Variants in SLAIN1 observed in about 807,000 individuals in gnomAD.
SLAIN1 encodes SLAIN family member 1.
SLAIN1 carries 17 observed loss-of-function variants against 55.4 expected under a neutral mutation model. That is an observed-to-expected ratio of 0.31 (90% confidence interval 0.21 to 0.46). The LOEUF is 0.46. Ranked by LOEUF, SLAIN1 falls within the 20% of genes least tolerant of loss-of-function variation. SLAIN1 has a pLI of 1.00. For missense variants in SLAIN1, 682 were observed against 785.1 expected (o/e 0.87, Z 1.57); for synonymous variants, 348 against 337.4 (o/e 1.03, Z -0.35).
chr13:77,747,591 G>C (rs989304532), intron 4 of SLAIN1, among the ~76,000 whole-genome samples: 4 of 152,118 alleles, frequency 2.6e-5, no homozygotes, highest in African/African-American at 9.7e-5. Context: ...ACAGAGTGAG[G>C]TTGTAAGCAT....
At chr13:77,723,288 C>A (rs1043904977) in intron 2 of SLAIN1, among the ~76,000 whole-genome samples, 1 of 152,166 alleles carries the variant, frequency 6.6e-6, no homozygotes, top group Non-Finnish European at 1.5e-5. Context: ...GAAGAGCCAT[C>A]ATGGTGGGAC....
intron 2 of SLAIN1, among the ~76,000 whole-genome samples, chr13:77,727,112 C>G (rs1223519482): frequency 6.6e-6 from 1 of 152,134 alleles, no homozygotes; most frequent in African/African-American, 2.4e-5. Flanking sequence ...TAATCTTTCT[C>G]TTTTTTCCCC....
intron 1 of SLAIN1, among the ~76,000 whole-genome samples, chr13:77,705,595 T>C (rs2091081337): frequency 6.6e-6 from 1 of 152,052 alleles, no homozygotes; most frequent in South Asian, 2.1e-4. Context: ...AATAAAGTGA[T>C]TTTTAAAATG....
chr13:77,702,168 T>C lies in SLAIN1; in HGVS notation c.626+3629T>C, dbSNP rs145493773. On this transcript the variant is annotated intron_variant, in intron 1 of 6. Transcript: ENST00000418532. ...ACATTTTCTTAATCCAGTCTATCATTGTTGGACATTTGGGTTGGTTCCAAG... is the reference window on the plus strand; with the variant it reads ...ACATTTTCTTAATCCAGTCTATCATCGTTGGACATTTGGGTTGGTTCCAAG... Among the ~76,000 whole-genome samples the C allele has an allele frequency of 4.9e-3, 747 of 151,854 alleles. 6 individuals are homozygous for C. The highest frequency in any genetic ancestry group is 0.017 in the African/African-American group (715 of 41,392).
At chr13:77,716,682 A>AAT (rs1487636008) in intron 1 of SLAIN1, among the ~76,000 whole-genome samples, 1 of 152,088 alleles carries the variant, frequency 6.6e-6, no homozygotes, top group African/African-American at 2.4e-5. Context: ...GTTTGTTGTT[A>AAT]ATATATATAA....
At chr13:77,763,043 A>C in intron 6 of SLAIN1, 102 bp from the exon 7 acceptor site, 3 of 908,660 alleles carry the variant, frequency 3.3e-6, no homozygotes, top group Non-Finnish European at 5.3e-6. Context: ...GCTTCTCATT[A>C]CTGCAGTGGA....
chr13:77,734,755 C>T (rs1873035952), intron 2 of SLAIN1, among the ~76,000 whole-genome samples: 2 of 152,230 alleles, frequency 1.3e-5, no homozygotes, highest in African/African-American at 4.8e-5. Flanking sequence ...GGCGGTGGCT[C>T]ACACTTGTAA....
Position 77,698,477 on chromosome 13 carries a change from C to T in SLAIN1, c.564C>T (p.Asp188=). The part of the protein sequence containing the change: ...APPSPPPTLL[D]EVELLDLESV... ...CCTCGCCGCCCCCCACGCTGCTGGA[C>T]GAGGTGGAATTGCTGGATCTGGAGA... Residue 188 remains aspartate (D), a synonymous_variant, in exon 1 of 7, where the codon GAC becomes GAT. Coordinates refer to ENST00000418532, the MANE Select transcript of SLAIN1 (RefSeq NM_001242868.2). This position sits in a 1 kb window ranked among gnomAD's most constrained non-coding sequence, Gnocchi z 4.1. The T allele has an allele frequency of 2.7e-6, 4 of 1,456,266 alleles. No individual in the cohort carries two copies. Among genetic ancestry groups the T allele is most frequent in the Non-Finnish European group, 3.6e-6 (4 of 1,110,090 alleles). 90.2% of individuals were successfully genotyped at this position (1,456,266 alleles called of 1,614,324 possible). A position where few individuals can be genotyped will look rare whatever the true frequency, so the allele number is the denominator to read the frequency against.
chr13:77,738,724 A>C (rs765333572), intron 2 of SLAIN1, among the ~76,000 whole-genome samples: 2 of 152,050 alleles, frequency 1.3e-5, no homozygotes, highest in Admixed American at 1.3e-4. Context: ...CTGATGAGAA[A>C]TGTGGCTCTC....
chr13:77,758,578 G>C (rs1299942065), intron 5 of SLAIN1, among the ~76,000 whole-genome samples: 1 of 151,928 alleles, frequency 6.6e-6, no homozygotes, highest in East Asian at 1.9e-4. Context: ...TTAAGTCTTT[G>C]ATCCATTTTG....
chr13:77,709,003 G>A (rs912174540), intron 1 of SLAIN1, among the ~76,000 whole-genome samples: 1 of 151,974 alleles, frequency 6.6e-6, no homozygotes, highest in African/African-American at 2.4e-5. Context: ...ATGCAAGGAA[G>A]CTAAGAACTT....
intron 3 of SLAIN1, among the ~76,000 whole-genome samples, chr13:77,745,214 C>G (rs903426200): frequency 2.0e-5 from 3 of 151,866 alleles, no homozygotes; most frequent in Non-Finnish European, 4.4e-5. Context: ...GCTTAATACT[C>G]TCTCTATCTC....
intron 2 of SLAIN1, among the ~76,000 whole-genome samples, chr13:77,729,923 G>A (rs759582282): frequency 5.3e-5 from 8 of 151,516 alleles, no homozygotes; most frequent in South Asian, 2.1e-4. Context: ...GTGTGTGTCC[G>A]TGTGTCCATC....
intron 2 of SLAIN1, among the ~76,000 whole-genome samples, chr13:77,735,101 A>T (rs1873055553): frequency 6.7e-6 from 1 of 148,556 alleles, no homozygotes; most frequent in Non-Finnish European, 1.5e-5. Flanking sequence ...ACATTTCATT[A>T]AAAAAAGTAT....
intron 1 of SLAIN1, among the ~76,000 whole-genome samples, chr13:77,702,888 G>A (rs1318493736): frequency 1.3e-5 from 2 of 152,128 alleles, no homozygotes; most frequent in African/African-American, 2.4e-5. Context: ...TTTTATAGAT[G>A]TGGAAATATT....
rs777190816 is a variant in SLAIN1 at position 77,698,825 on chromosome 13, C to G, written c.626+286C>G. On this transcript the variant is annotated intron_variant, in intron 1 of 6. Coordinates refer to ENST00000418532, the MANE Select transcript of SLAIN1 (RefSeq NM_001242868.2). The surrounding 1 kb of genome is among the most constrained non-coding windows in gnomAD (Gnocchi z 4.1). ...TTCTGCTATTTGCTGATTGTTGGGTCCCAAGCTCCTCGTTAGCATTAAGTG... is the reference window on the plus strand; with the variant it reads ...TTCTGCTATTTGCTGATTGTTGGGTGCCAAGCTCCTCGTTAGCATTAAGTG... 3.8e-5 allele frequency: 55 copies of G among 1,459,036 alleles called. No homozygotes were observed. The highest frequency in any genetic ancestry group is 4.9e-5 in the Non-Finnish European group (54 of 1,098,314). The allele number at this position is 1,459,036 out of a possible 1,614,324, so 90.4% of individuals were successfully genotyped here. A position where few individuals can be genotyped will look rare whatever the true frequency, so the allele number is the denominator to read the frequency against.
In SLAIN1 at chr13:77,722,896, G is replaced by A. The variant is rs907702961; in HGVS notation, c.766+3225G>A. Among the ~76,000 whole-genome samples the A allele has an allele frequency of 2.6e-5, 4 of 152,128 alleles. No individual in the cohort carries two copies. In the East Asian group the frequency reaches 7.7e-4, roughly 29 times the overall value. On this transcript the variant is annotated intron_variant, in intron 2 of 6. Coordinates refer to ENST00000418532, the MANE Select transcript of SLAIN1 (RefSeq NM_001242868.2). The stretch of plus-strand genomic sequence containing the variant: ...TGAGTAGCTGGGATTACAGGTACAC[G>A]CAACCACGCCTGGCTAATTTTTGTA...
At chr13:77,739,667 G>A (rs1164382491) in intron 2 of SLAIN1, among the ~76,000 whole-genome samples, 2 of 152,056 alleles carry the variant, frequency 1.3e-5, no homozygotes, top group African/African-American at 4.8e-5. Flanking sequence ...AGCAATGGTA[G>A]GAATGTCATT....
intron 1 of SLAIN1, among the ~76,000 whole-genome samples, chr13:77,712,980 A>G (rs543279545): frequency 7.2e-4 from 110 of 152,342 alleles, no homozygotes; most frequent in Middle Eastern, 6.8e-3. Flanking sequence ...TATTTAATAA[A>G]TGGTGCTGGG....
Sources: gnomAD v4.1 joint callset for allele counts (sites outside exome capture counted in the v4.1 genomes callset) on GRCh38, gnomAD v4.1.1 for gene constraint, Gnocchi (gnomAD v3.1) non-coding constraint, MANE v1.5 for transcripts, NCBI Gene and HGNC (gene_info 2026-07-23, HGNC 2026-07-21) for gene names.